PTK2B: variants seen among roughly 807,000 people sequenced by gnomAD.
PTK2B encodes protein tyrosine kinase 2 beta.
Under a neutral mutation model 142.9 loss-of-function variants are expected in PTK2B, and 71 were observed. That is an observed-to-expected ratio of 0.50 (90% CI 0.41 to 0.61). The LOEUF (loss-of-function observed/expected upper bound fraction) is 0.61. Ranked by LOEUF, PTK2B falls within the 20% of genes least tolerant of loss-of-function variation. The pLI, the probability that PTK2B is intolerant of heterozygous loss-of-function variation, is 0.00. For missense variants in PTK2B, 1,105 were observed against 1,320.4 expected (o/e 0.84, Z 2.53); for synonymous variants, 519 against 503.4 (o/e 1.03, Z -0.42).
intron 1 of PTK2B, among the ~76,000 whole-genome samples, chr8:27,368,858 C>G (rs1339336855): frequency 6.6e-6 from 1 of 152,056 alleles, no homozygotes; most frequent in Non-Finnish European, 1.5e-5. Context: ...CCCCGGAGAC[C>G]CTGGAAAGAA....
At chr8:27,396,909 T>C (rs1261013149) in intron 1 of PTK2B, among the ~76,000 whole-genome samples, 1 of 152,214 alleles carries the variant, frequency 6.6e-6, no homozygotes, top group Non-Finnish European at 1.5e-5. Context: ...CTGTTCCTCT[T>C]GAATCCTCCT....
chr8:27,364,019 C>T (rs1185807773), intron 1 of PTK2B, among the ~76,000 whole-genome samples: 1 of 152,224 alleles, frequency 6.6e-6, no homozygotes, highest in African/African-American at 2.4e-5. Flanking sequence ...GCCTGGGGCT[C>T]TCCACACACT....
chr8:27,432,446 T>C (rs2303882), intron 10 of PTK2B, 85 bp downstream of exon 10: 590,940 of 1,297,628 alleles, frequency 0.46, 137,558 homozygotes, highest in South Asian at 0.56. Flanking sequence ...ACCAAAAGTC[T>C]GTGACACACA....
At chr8:27,454,402 G>T in intron 29 of PTK2B, 111 bp downstream of exon 29, 5 of 1,555,476 alleles carry the variant, frequency 3.2e-6, no homozygotes, top group Non-Finnish European at 4.4e-6. Context: ...GAGCAAGCTG[G>T]GCCAGGGGAA....
chr8:27,321,807 A>G (rs1411180088), upstream of PTK2B, among the ~76,000 whole-genome samples: 2 of 152,198 alleles, frequency 1.3e-5, no homozygotes, highest in Non-Finnish European at 1.5e-5. Flanking sequence ...TATTAAGGAA[A>G]GAAAAGAGAA....
At position 27,448,001 on chromosome 8, in the gene PTK2B, G is replaced by GTCT. The variant is rs1563299848; in HGVS notation, c.2340+2083_2340+2084insCTT. ...CAGTCGACCAGAAGGATCAGACCAG[G>GTCT]TGCACACTTACCTGTAATGCAAGCC... On this transcript the variant is annotated intron_variant, in intron 24 of 30. Coordinates refer to ENST00000346049, the MANE Select transcript of PTK2B (RefSeq NM_173176.3). Among the ~76,000 whole-genome samples the GTCT allele has an allele frequency of 2.0e-5, 3 of 152,376 alleles. No individual in the cohort carries two copies. In the East Asian group the frequency reaches 5.8e-4, roughly 29 times the overall value.
At chr8:27,393,148 G>A (rs1044625717) in intron 1 of PTK2B, among the ~76,000 whole-genome samples, 3 of 152,158 alleles carry the variant, frequency 2.0e-5, no homozygotes, top group African/African-American at 7.2e-5. Context: ...TGACCAAATG[G>A]CTTAGACCTT....
rs138110231 is a variant in PTK2B, at chr8:27,371,944, A to G, written c.-37-25604A>G. Among the ~76,000 whole-genome samples the G allele has an allele frequency of 6.8e-3, 1,035 of 152,354 alleles. 10 individuals are homozygous for G. Among genetic ancestry groups the G allele is most frequent in the Non-Finnish European group, 9.4e-3 (640 of 68,030 alleles). On this transcript the variant is annotated intron_variant, in intron 1 of 30. Coordinates refer to ENST00000346049, the MANE Select transcript of PTK2B (RefSeq NM_173176.3). ...CAGGCACCGATCCAGGCAGAGGCGC[A>G]TGGCCTGGGAAGTACCAATATGACG... is the stretch of plus-strand genomic sequence containing the variant.
At chr8:27,332,354 C>T (rs1157647887) in intron 1 of PTK2B, among the ~76,000 whole-genome samples, 2 of 152,104 alleles carry the variant, frequency 1.3e-5, no homozygotes, top group African/African-American at 4.8e-5. Context: ...TGTGAAAATC[C>T]CCCATAAAAC....
chr8:27,330,651 G>C (rs1803691267), intron 1 of PTK2B, among the ~76,000 whole-genome samples: 1 of 152,304 alleles, frequency 6.6e-6, no homozygotes, highest in Middle Eastern at 3.4e-3. Flanking sequence ...GGAGGGGATA[G>C]CTTTTTGAGT....
chr8:27,316,444 A>G (rs186403710), intron 3 of PTK2B, among the ~76,000 whole-genome samples: 2 of 152,350 alleles, frequency 1.3e-5, no homozygotes, highest in East Asian at 3.9e-4. Flanking sequence ...AACTAACAGG[A>G]TGGAAGAAGA....
intron 2 of PTK2B, among the ~76,000 whole-genome samples, chr8:27,412,501 A>C (rs1033504533): frequency 6.6e-6 from 1 of 152,186 alleles, no homozygotes; most frequent in African/African-American, 2.4e-5. Context: ...ATCAGTAACC[A>C]GCAGTGGTGA....
At chr8:27,386,325 G>A (rs559899484) in intron 1 of PTK2B, among the ~76,000 whole-genome samples, 10 of 152,274 alleles carry the variant, frequency 6.6e-5, no homozygotes, top group Admixed American at 1.3e-4. Context: ...GTTTCCCAAC[G>A]TTGGGTAGCA....
chr8:27,383,905 A>G (rs1286898586), intron 1 of PTK2B, among the ~76,000 whole-genome samples: 1 of 145,600 alleles, frequency 6.9e-6, no homozygotes, highest in African/African-American at 2.5e-5. Flanking sequence ...CTGGAGTGCA[A>G]TGGTGTGATC....
upstream of PTK2B, among the ~76,000 whole-genome samples, chr8:27,322,134 G>A (rs1803232359): frequency 6.6e-6 from 1 of 152,012 alleles, no homozygotes; most frequent in Non-Finnish European, 1.5e-5. Flanking sequence ...GGGACTACAG[G>A]CATACACCAC....
intron 3 of PTK2B, 78 bp from the exon 4 acceptor site, chr8:27,420,579 T>C: frequency 7.2e-7 from 1 of 1,388,284 alleles, no homozygotes; most frequent in Admixed American, 1.7e-5. Context: ...ATGGGCTTGC[T>C]TCTGCCCTTG....
chr8:27,458,727 G>C lies in PTK2B; in HGVS notation c.*218G>C, dbSNP rs187592518. ...CTCTGGGCTATGGACACAGGGTGACGGTGACAAAGATGGCTCAGAGGGGGA... is the reference window on the plus strand; with the variant it reads ...CTCTGGGCTATGGACACAGGGTGACCGTGACAAAGATGGCTCAGAGGGGGA... On this transcript the variant is annotated 3_prime_UTR_variant, in exon 31 of 31. Transcript: ENST00000346049. 1 of 592,102 alleles carries C rather than the reference G, an allele frequency of 1.7e-6. No individual in the cohort carries two copies. Among genetic ancestry groups the C allele is most frequent in the Non-Finnish European group, 3.0e-6 (1 of 334,040 alleles). The allele number at this position is 592,102 out of a possible 1,614,324, so 36.7% of individuals were successfully genotyped here.
rs534716841 is a variant in PTK2B at position 27,382,292 on chromosome 8, TA to T, written c.-37-15247del. 6.3e-3 allele frequency among the ~76,000 whole-genome samples: 960 copies of T among 151,622 alleles called. 11 individuals are homozygous for T. Among genetic ancestry groups the T allele is most frequent in the African/African-American group, 0.022 (931 of 41,394 alleles). On this transcript the variant is annotated intron_variant, in intron 1 of 30. Transcript: ENST00000346049. ...ATGTCCTTTCAGATACTTTGCTCAT[TA>T]AAAAAAAATTATTATTATTTACCAT...
chr8:27,440,768 A>C (rs1811111226), intron 21 of PTK2B, among the ~76,000 whole-genome samples: 1 of 152,206 alleles, frequency 6.6e-6, no homozygotes, highest in South Asian at 2.1e-4. Flanking sequence ...GAGGCATCCT[A>C]CCTGCTTTCC....
Sources: allele counts gnomAD v4.1 joint callset (sites outside exome capture counted in the v4.1 genomes callset), GRCh38; gene constraint gnomAD v4.1.1; transcripts MANE v1.5; gene names NCBI Gene and HGNC (gene_info 2026-07-23, HGNC 2026-07-21).